The following YOD1 variants were observed in gnomAD, a reference collection of about 807,000 sequenced individuals.
YOD1 encodes YOD1 deubiquitinase.
A neutral mutation model predicts 23.7 loss-of-function variants in YOD1; 17 were observed. That is an observed-to-expected ratio of 0.72 (90% CI 0.49 to 1.07). YOD1 has a LOEUF of 1.07. Ranked by LOEUF, YOD1 falls within the 50% of genes least tolerant of loss-of-function variation. The pLI is 0.00. For missense variants in YOD1, 413 were observed against 447.2 expected (o/e 0.92, Z 0.69); for synonymous variants, 191 against 169.6 (o/e 1.13, Z -0.98).
Position 207,049,739 on chromosome 1 carries a change from C to G in YOD1, c.344-16G>C, listed in dbSNP as rs1013584160. 13 of 1,594,362 alleles carry G rather than the reference C, an allele frequency of 8.2e-6. No individual in the cohort carries two copies. Among genetic ancestry groups the G allele is most frequent in the Non-Finnish European group, 1.0e-5 (12 of 1,170,936 alleles). On this transcript the variant is annotated splice_polypyrimidine_tract_variant and intron_variant, in intron 1 of 1. Coordinates refer to ENST00000315927, the MANE Select transcript of YOD1 (RefSeq NM_018566.4). Reference sequence around the variant, plus strand: ...AGCATGTCACCTGTTAAAAATAAAACAAATCCCGATCTGCAAAGAAATTAC... The same window carrying G: ...AGCATGTCACCTGTTAAAAATAAAAGAAATCCCGATCTGCAAAGAAATTAC...
chr1:207,047,242 T>G lies in YOD1; in HGVS notation c.*1778A>C, dbSNP rs145706392. The G allele has an allele frequency of 4.7e-4, 72 of 152,676 alleles. No individual in the cohort carries two copies. Among genetic ancestry groups the G allele is most frequent in the African/African-American group, 1.7e-3 (70 of 41,574 alleles). The allele number at this position is 152,676 out of a possible 1,614,324, so 9.5% of individuals were successfully genotyped here. A position where few individuals can be genotyped will look rare whatever the true frequency, so the allele number is the denominator to read the frequency against. On this transcript the variant is annotated 3_prime_UTR_variant, in exon 2 of 2. Transcript: ENST00000315927. ...AAATAGAAAACTAAACACTTTTAAGTTATGCTGACCATAACAGCTTATATT... is the reference window on the plus strand; with the variant it reads ...AAATAGAAAACTAAACACTTTTAAGGTATGCTGACCATAACAGCTTATATT...
In YOD1 at chr1:207,049,528, G is replaced by A. The variant is rs1198897327; in HGVS notation, c.539C>T (p.Pro180Leu). Residue 180 changes from proline (P) to leucine (L), a missense_variant, in exon 2 of 2, where the codon CCT (proline) becomes CTT (leucine). Pro to Leu is a moderately conservative substitution (Grantham distance 98). Coordinates refer to ENST00000315927, the MANE Select transcript of YOD1 (RefSeq NM_018566.4). ...TTGTGCTATGAGGCGTCTCATCTCAGGGGCACAAGCTGGATTCAAGACTCC... is the reference window on the plus strand; with the variant it reads ...TTGTGCTATGAGGCGTCTCATCTCAAGGGCACAAGCTGGATTCAAGACTCC... ...EGGVLNPACAPEMRRLIAQIV... is the reference protein window; with the variant it reads ...EGGVLNPACALEMRRLIAQIV... 1 of 1,614,136 alleles carries A rather than the reference G, an allele frequency of 6.2e-7. No homozygotes were observed.
rs1273252539 is a variant in YOD1, at chr1:207,044,349, C to T, written c.*4671G>A. ...CTAAGTACATATTTCCTGTAAACAGCTGGAGTCCTGAATGGCACCAATGTG... is the reference window on the plus strand; with the variant it reads ...CTAAGTACATATTTCCTGTAAACAGTTGGAGTCCTGAATGGCACCAATGTG... On this transcript the variant is annotated 3_prime_UTR_variant, in exon 2 of 2. Transcript: ENST00000315927. 1 of 152,506 alleles carries T rather than the reference C, an allele frequency of 6.6e-6. No individual in the cohort carries two copies. The highest frequency in any genetic ancestry group is 1.5e-5 in the Non-Finnish European group (1 of 67,958). The allele number at this position is 152,506 out of a possible 1,614,324, so 9.4% of individuals were successfully genotyped here.
At chr1:207,052,741 G>A (rs1343857150), upstream of YOD1, 1 of 64,310 alleles carries the variant, frequency 1.6e-5, no homozygotes, top group Non-Finnish European at 3.7e-5. Context: ...TCAACGATGA[G>A]AGTGGTTGAT....
Position 207,048,069 on chromosome 1 carries a change from C to A in YOD1, c.*951G>T, listed in dbSNP as rs1295921838. ...AAAAGCTGAGAAAATTAAATTCCCC[C>A]CGATAAACTTTACGCAAATGAAGAA... On this transcript the variant is annotated 3_prime_UTR_variant, in exon 2 of 2. Coordinates refer to ENST00000315927, the MANE Select transcript of YOD1 (RefSeq NM_018566.4). 1 of 152,432 alleles carries A rather than the reference C, an allele frequency of 6.6e-6. No homozygotes were observed. Among genetic ancestry groups the A allele is most frequent in the Admixed American group, 6.6e-5 (1 of 15,264 alleles). 9.4% of individuals were successfully genotyped at this position (152,432 alleles called of 1,614,324 possible).
In YOD1 at chr1:207,043,920, C is replaced by T. The variant is rs1682531399; in HGVS notation, c.*5100G>A. 6.6e-6 allele frequency: 1 copy of T among 152,482 alleles called. No homozygotes were observed. Among genetic ancestry groups the T allele is most frequent in the African/African-American group, 2.4e-5 (1 of 41,386 alleles). 9.4% of individuals were successfully genotyped at this position (152,482 alleles called of 1,614,324 possible). On this transcript the variant is annotated 3_prime_UTR_variant, in exon 2 of 2. Coordinates refer to ENST00000315927, the MANE Select transcript of YOD1 (RefSeq NM_018566.4). ...CATTTAGATATTTAAAGTCATACAC[C>T]TCATAAATAAAATCAATGCATCTTA... is the stretch of plus-strand genomic sequence containing the variant.
intron 1 of YOD1, 78 bp downstream of exon 1, chr1:207,050,610 T>C (rs1682716781): frequency 6.3e-7 from 1 of 1,586,214 alleles, no homozygotes; most frequent in Non-Finnish European, 8.6e-7. Context: ...CCACCTTGCC[T>C]TGACTGGTGT....
Position 207,050,845 on chromosome 1 carries a change from C to G in YOD1, c.186G>C (p.Gly62=). 1 of 1,612,932 alleles carries G rather than the reference C, an allele frequency of 6.2e-7. No individual in the cohort carries two copies. The highest frequency in any genetic ancestry group is 1.7e-5 in the Admixed American group (1 of 60,006). Residue 62 remains glycine, a synonymous_variant, in exon 1 of 2, where the codon GGG becomes GGC. Transcript: ENST00000315927. ...KAKDGTHVLQ[G]LSSRTRVREL... ...CCCGCACCCGGGTCCGGCTGGACAG[C>G]CCCTGCAAAACATGGGTGCCGTCCT... is the stretch of plus-strand genomic sequence containing the variant.
Position 207,049,534 on chromosome 1 carries a change from C to T in YOD1, c.533G>A (p.Cys178Tyr), listed in dbSNP as rs200080448. The T allele has an allele frequency of 6.2e-7, 1 of 1,614,172 alleles. No homozygotes were observed. Among genetic ancestry groups the T allele is most frequent in the Non-Finnish European group, 8.5e-7 (1 of 1,180,038 alleles). The change falls in exon 2 of 2, where the codon TGT (cysteine) becomes TAT (tyrosine). Residue 178 changes from cysteine to tyrosine, a missense_variant. Physicochemically the swap from Cys to Tyr is radical, Grantham distance 194 (BLOSUM62 -2). Coordinates refer to ENST00000315927, the MANE Select transcript of YOD1 (RefSeq NM_018566.4). ...VVEGGVLNPA[C>Y]APEMRRLIAQ... ...TATGAGGCGTCTCATCTCAGGGGCACAAGCTGGATTCAAGACTCCTCCTTC... is the reference window on the plus strand; with the variant it reads ...TATGAGGCGTCTCATCTCAGGGGCATAAGCTGGATTCAAGACTCCTCCTTC...
rs758250784 is a variant in YOD1, at chr1:207,044,936, C to T, written c.*4084G>A. ...ATAATTTTAAGTCAAACATTCAAAGCACTGTAAGCAAAATGCTAGATAATT... is the reference window on the plus strand; with the variant it reads ...ATAATTTTAAGTCAAACATTCAAAGTACTGTAAGCAAAATGCTAGATAATT... On this transcript the variant is annotated 3_prime_UTR_variant, in exon 2 of 2. Transcript: ENST00000315927. 6.6e-6 allele frequency: 1 copy of T among 152,436 alleles called. No homozygotes were observed. The highest frequency in any genetic ancestry group is 1.5e-5 in the Non-Finnish European group (1 of 67,928). 9.4% of individuals were successfully genotyped at this position (152,436 alleles called of 1,614,324 possible).
Position 207,048,838 on chromosome 1 carries a change from T to A in YOD1, c.*182A>T, listed in dbSNP as rs189455551. 1,384 of 614,302 alleles carry A rather than the reference T, an allele frequency of 2.3e-3. 11 individuals carry two copies. The highest frequency in any genetic ancestry group is 2.2e-3 in the Non-Finnish European group (791 of 353,040). The allele number at this position is 614,302 out of a possible 1,614,324, so 38.1% of individuals were successfully genotyped here. A position where few individuals can be genotyped will look rare whatever the true frequency, so the allele number is the denominator to read the frequency against. ...TACAGTTTACCACTGTAGACACACA[T>A]CTGTAAACTTGCACACTAATTTTAA... On this transcript the variant is annotated 3_prime_UTR_variant, in exon 2 of 2. Coordinates refer to ENST00000315927, the MANE Select transcript of YOD1 (RefSeq NM_018566.4).
Position 207,051,174 on chromosome 1 carries a change from A to C in YOD1, c.-144T>G. 1 of 1,396,630 alleles carries C rather than the reference A, an allele frequency of 7.2e-7. No homozygotes were observed. The highest frequency in any genetic ancestry group is 9.3e-7 in the Non-Finnish European group (1 of 1,074,078). 86.5% of individuals were successfully genotyped at this position (1,396,630 alleles called of 1,614,324 possible). On this transcript the variant is annotated 5_prime_UTR_variant, in exon 1 of 2. Coordinates refer to ENST00000315927, the MANE Select transcript of YOD1 (RefSeq NM_018566.4). Reference sequence around the variant, plus strand: ...CGAAGATGTAAACCTCCGTATTCCTAAAGGACAACGGGTCTTGCTACCTAT... The same window carrying C: ...CGAAGATGTAAACCTCCGTATTCCTCAAGGACAACGGGTCTTGCTACCTAT...
rs1682547041 is a variant in YOD1, at chr1:207,044,497, T to C, written c.*4523A>G. On this transcript the variant is annotated 3_prime_UTR_variant, in exon 2 of 2. Coordinates refer to ENST00000315927, the MANE Select transcript of YOD1 (RefSeq NM_018566.4). The stretch of plus-strand genomic sequence containing the variant: ...CATATTAGAAATTCTGAGCCTAAGA[T>C]GATCCTTTCTGTTTACCTACAACTT... The C allele has an allele frequency of 6.6e-6, 1 of 152,548 alleles. No individual in the cohort carries two copies. The highest frequency in any genetic ancestry group is 2.4e-5 in the African/African-American group (1 of 41,444). 9.4% of individuals were successfully genotyped at this position (152,548 alleles called of 1,614,324 possible). A position where few individuals can be genotyped will look rare whatever the true frequency, so the allele number is the denominator to read the frequency against.
Position 207,050,740 on chromosome 1 carries a change from G to A in YOD1, c.291C>T (p.Cys97=), listed in dbSNP as rs1682722559. The A allele has an allele frequency of 6.2e-7, 1 of 1,613,388 alleles. No homozygotes were observed. Among genetic ancestry groups the A allele is most frequent in the Non-Finnish European group, 8.5e-7 (1 of 1,180,038 alleles). The part of the protein sequence containing the change: ...QRILVGYPPE[C]LDLSNGDTIL... Reference sequence around the variant, plus strand: ...TGGTATCCCCATTGCTGAGATCCAGGCACTCGGGAGGGTATCCGACGAGGA... The same window carrying A: ...TGGTATCCCCATTGCTGAGATCCAGACACTCGGGAGGGTATCCGACGAGGA... The change falls in exon 1 of 2, where the codon TGC becomes TGT. Residue 97 remains cysteine, a synonymous_variant. Transcript: ENST00000315927.
rs771300826 is a variant in YOD1, at chr1:207,047,601, A to G, written c.*1419T>C. 1 of 152,672 alleles carries G rather than the reference A, an allele frequency of 6.5e-6. No homozygotes were observed. The highest frequency in any genetic ancestry group is 1.5e-5 in the Non-Finnish European group (1 of 68,018). The allele number at this position is 152,672 out of a possible 1,614,324, so 9.5% of individuals were successfully genotyped here. On this transcript the variant is annotated 3_prime_UTR_variant, in exon 2 of 2. Transcript: ENST00000315927. ...GATAATACATAACAAATTATAATTTAGCATCCCTGATCAGAATAATTAAGA... is the reference window on the plus strand; with the variant it reads ...GATAATACATAACAAATTATAATTTGGCATCCCTGATCAGAATAATTAAGA...
rs775940635 is a variant in YOD1, at chr1:207,045,510, A to G, written c.*3510T>C. On this transcript the variant is annotated 3_prime_UTR_variant, in exon 2 of 2. Coordinates refer to ENST00000315927, the MANE Select transcript of YOD1 (RefSeq NM_018566.4). ...CAACATGTAAACTTTTATTCCATAT[A>G]TATTTTTTAAAGTGCTGCAAACAAA... 5 of 152,274 alleles carry G rather than the reference A, an allele frequency of 3.3e-5. No homozygotes were observed. The highest frequency in any genetic ancestry group is 5.9e-5 in the Non-Finnish European group (4 of 67,870). The allele number at this position is 152,274 out of a possible 1,614,324, so 9.4% of individuals were successfully genotyped here.
At chr1:207,049,789 C>T in intron 1 of YOD1, 66 bp from the exon 2 acceptor site, 1 of 1,441,126 alleles carries the variant, frequency 6.9e-7, no homozygotes, top group South Asian at 1.4e-5. Flanking sequence ...GTTCTCTAGC[C>T]AAGTCTGTAA....
Position 207,045,758 on chromosome 1 carries a change from T to G in YOD1, c.*3262A>C, listed in dbSNP as rs557132198. 97 of 152,186 alleles carry G rather than the reference T, an allele frequency of 6.4e-4. 1 individual carries two copies. Among genetic ancestry groups the G allele is most frequent in the African/African-American group, 1.5e-3 (62 of 41,552 alleles). 9.4% of individuals were successfully genotyped at this position (152,186 alleles called of 1,614,324 possible). A position where few individuals can be genotyped will look rare whatever the true frequency, so the allele number is the denominator to read the frequency against. On this transcript the variant is annotated 3_prime_UTR_variant, in exon 2 of 2. Coordinates refer to ENST00000315927, the MANE Select transcript of YOD1 (RefSeq NM_018566.4). ...ATAAACTAGAGAAGCAAGTTAGGCA[T>G]GGGCATTTAGGGACACAGACAAATT...
Position 207,048,981 on chromosome 1 carries a change from G to T in YOD1, c.*39C>A, listed in dbSNP as rs758139970. On this transcript the variant is annotated 3_prime_UTR_variant, in exon 2 of 2. Transcript: ENST00000315927. ...TTGGAAAACCCAGAGCCTTCTGGAT[G>T]TGTGAGGTAGTAGGCTTCAACCCTC... 5 of 1,564,146 alleles carry T rather than the reference G, an allele frequency of 3.2e-6. No homozygotes were observed. The African/African-American group carries it at 4.1e-5, about 13-fold the overall frequency.
Sources: gnomAD v4.1 joint callset for allele counts on GRCh38, gnomAD v4.1.1 for gene constraint, MANE v1.5 for transcripts, NCBI Gene and HGNC (gene_info 2026-07-23, HGNC 2026-07-21) for gene names.